The following RASAL2 variants were observed in gnomAD, a reference collection of about 807,000 sequenced individuals.
RASAL2 encodes ras GTPase-activating protein nGAP.
Under a neutral mutation model 128.9 loss-of-function variants are expected in RASAL2, and 58 were observed. The observed-to-expected ratio is 0.45, with a 90% confidence interval of 0.36 to 0.56. The LOEUF (loss-of-function observed/expected upper bound fraction) is 0.56. Among genes scored for constraint, RASAL2 ranks in the 20% least tolerant of loss-of-function variants. The pLI is 0.00. For synonymous variants in RASAL2, 561 were observed against 580.8 expected, an observed-to-expected ratio of 0.97 and a Z score of 0.49; for missense variants, 1,360 against 1,601.6, an observed-to-expected ratio of 0.85 and a Z score of 2.57.
chr1:178,260,385 T>A (rs1301761285), intron 1 of RASAL2, among the ~76,000 whole-genome samples: 529 of 23,948 alleles, frequency 0.022, 105 homozygotes, highest in African/African-American at 0.029. Context: ...TATATATATA[T>A]ATATATATAT....
chr1:178,319,179 G>A (rs1359535293), intron 3 of RASAL2, among the ~76,000 whole-genome samples: 2 of 152,106 alleles, frequency 1.3e-5, no homozygotes, highest in Non-Finnish European at 2.9e-5. Context: ...AGTCTGATGG[G>A]CTTCCCTTTG....
intron 1 of RASAL2, among the ~76,000 whole-genome samples, chr1:178,175,456 G>A (rs946461936): frequency 6.6e-6 from 1 of 151,666 alleles, no homozygotes; most frequent in Admixed American, 6.6e-5. Context: ...GTGTGTGTGT[G>A]TGTGTGTGTG....
Position 178,454,546 on chromosome 1 carries a change from C to T in RASAL2, c.2109C>T (p.Asp703=), listed in dbSNP as rs560577983. 1.9e-6 allele frequency: 3 copies of T among 1,613,762 alleles called. No homozygotes were observed. In the African/African-American group the frequency reaches 4.0e-5, roughly 22 times the overall value. ...KRFLLEISNP[D]TISNTPGFDG... ...TTCTTTTGGAGATCTCTAATCCAGA[C>T]ACCATCTCAAACACCCCAGGCTTTG... Residue 703 remains aspartate (D), a synonymous_variant, in exon 12 of 18, where the codon GAC becomes GAT. Coordinates refer to ENST00000367649, the MANE Select transcript of RASAL2 (RefSeq NM_170692.4).
At chr1:178,158,386 TTAAG>T (rs1328463352) in intron 1 of RASAL2, among the ~76,000 whole-genome samples, 3 of 152,186 alleles carry the variant, frequency 2.0e-5, no homozygotes, top group Admixed American at 2.0e-4. Flanking sequence ...TTTTTGAGGA[TTAAG>T]TGAGACAATT....
chr1:178,321,275 G>A (rs1043649752), intron 3 of RASAL2, among the ~76,000 whole-genome samples: 2 of 151,878 alleles, frequency 1.3e-5, no homozygotes, highest in Non-Finnish European at 2.9e-5. Context: ...GTAGAGACAG[G>A]GTTTCACCCC....
intron 1 of RASAL2, among the ~76,000 whole-genome samples, chr1:178,249,405 C>A (rs1390634327): frequency 6.6e-6 from 1 of 151,960 alleles, no homozygotes; most frequent in Non-Finnish European, 1.5e-5. Context: ...CATTTATGTT[C>A]TTCTCTAAAC....
intron 1 of RASAL2, among the ~76,000 whole-genome samples, chr1:178,233,771 G>A (rs1664109716): frequency 6.6e-6 from 1 of 152,158 alleles, no homozygotes; most frequent in African/African-American, 2.4e-5. Context: ...GGTCAGTGGA[G>A]TCTGAGCAGC....
chr1:178,286,437 T>TCA (rs1667028798), intron 2 of RASAL2, among the ~76,000 whole-genome samples: 1 of 135,816 alleles, frequency 7.4e-6, no homozygotes, highest in Non-Finnish European at 1.5e-5. Flanking sequence ...TGAGATGGAG[T>TCA]CTCTCTCTTG....
intron 1 of RASAL2, among the ~76,000 whole-genome samples, chr1:178,228,705 A>AT (rs1558126526): frequency 6.6e-6 from 1 of 152,132 alleles, no homozygotes. Context: ...GAGTCTCTGA[A>AT]TTTTACCATG....
chr1:178,475,187 T>G lies in RASAL2; in HGVS notation c.*1948T>G, dbSNP rs1184749321. On this transcript the variant is annotated 3_prime_UTR_variant, in exon 18 of 18. Coordinates refer to ENST00000367649, the MANE Select transcript of RASAL2 (RefSeq NM_170692.4). ...ACAGTTTCTTTCATAGCAATCCCTG[T>G]TTCTGCCAGACAGATCTAAAATGGG... The G allele has an allele frequency of 1.3e-5, 2 of 152,228 alleles. No individual in the cohort carries two copies. 9.4% of individuals were successfully genotyped at this position (152,228 alleles called of 1,614,324 possible).
Position 178,454,516 on chromosome 1 carries a change from G to A in RASAL2, c.2079G>A (p.Lys693=), listed in dbSNP as rs767216519. 2 of 1,613,580 alleles carry A rather than the reference G, an allele frequency of 1.2e-6. No individual in the cohort carries two copies. The highest frequency in any genetic ancestry group is 1.7e-5 in the Admixed American group (1 of 59,990). The change falls in exon 12 of 18, where the codon AAG becomes AAA. Residue 693 remains lysine (K), a synonymous_variant. Transcript: ENST00000367649. ...TAGAACATGAATGGGGTGGAATGAA[G>A]CGCTTTCTTTTGGAGATCTCTAATC... ...DFLEHEWGGM[K]RFLLEISNPD...
intron 1 of RASAL2, among the ~76,000 whole-genome samples, chr1:178,173,633 T>G (rs1342670007): frequency 2.0e-5 from 3 of 152,120 alleles, no homozygotes; most frequent in Admixed American, 6.6e-5. Flanking sequence ...GAACCTGTTC[T>G]GTTTCTGTGA....
chr1:178,248,683 G>A (rs1664901484), intron 1 of RASAL2, among the ~76,000 whole-genome samples: 1 of 152,142 alleles, frequency 6.6e-6, no homozygotes, highest in South Asian at 2.1e-4. Flanking sequence ...ATTGGTACCA[G>A]TTTTTCCTTT....
At chr1:178,096,570 A>G (rs1658695504) in intron 1 of RASAL2, among the ~76,000 whole-genome samples, 1 of 151,932 alleles carries the variant, frequency 6.6e-6, no homozygotes, top group African/African-American at 2.4e-5. Context: ...TTATTGTTCA[A>G]GAGTGACCAC....
intron 1 of RASAL2, among the ~76,000 whole-genome samples, chr1:178,121,582 T>A (rs1337910930): frequency 6.6e-6 from 1 of 151,926 alleles, no homozygotes; most frequent in Admixed American, 6.6e-5. Flanking sequence ...ATCTCCCGGG[T>A]TCAGGTGATT....
chr1:178,341,642 A>C, intron 3 of RASAL2: 1 of 1,613,728 alleles, frequency 6.2e-7, no homozygotes, highest in Non-Finnish European at 8.5e-7. Context: ...CCGAAATGAA[A>C]AGTCACGTAT....
intron 3 of RASAL2, among the ~76,000 whole-genome samples, chr1:178,358,239 A>T (rs1303202823): frequency 1.0e-5 from 1 of 99,462 alleles, no homozygotes; most frequent in Non-Finnish European, 1.9e-5. Context: ...CTGTCTCCTA[A>T]AAAAAAAAAA....
Position 178,247,174 on chromosome 1 carries a change from C to T in RASAL2, c.203-36390C>T, listed in dbSNP as rs1472500527. 3.3e-5 allele frequency among the ~76,000 whole-genome samples: 5 copies of T among 152,098 alleles called. No homozygotes were observed. In the South Asian group the frequency reaches 1.0e-3, roughly 32 times the overall value. On this transcript the variant is annotated intron_variant, in intron 1 of 17. Coordinates refer to ENST00000367649, the MANE Select transcript of RASAL2 (RefSeq NM_170692.4). ...TCCTCTTTGTACCTCTGGTAGAATT[C>T]GGCTGTGGATCCATCTGGTCCTGGG...
chr1:178,284,164 C>CTG (rs1666913179), intron 2 of RASAL2, among the ~76,000 whole-genome samples: 1 of 152,180 alleles, frequency 6.6e-6, no homozygotes, highest in Non-Finnish European at 1.5e-5. Flanking sequence ...AGTTATCACC[C>CTG]TGGGCTTCCA....
Sources: allele counts gnomAD v4.1 joint callset (sites outside exome capture counted in the v4.1 genomes callset), GRCh38; gene constraint gnomAD v4.1.1; transcripts MANE v1.5; gene names NCBI Gene and HGNC (gene_info 2026-07-23, HGNC 2026-07-21).